Variants in LDLRAP1 observed in about 807,000 individuals in gnomAD.
The protein encoded by LDLRAP1 is low density lipoprotein receptor adaptor protein 1.
A neutral mutation model predicts 37.8 loss-of-function variants in LDLRAP1; 30 were observed. That is an observed-to-expected ratio of 0.79 (90% CI 0.59 to 1.08). The LOEUF (loss-of-function observed/expected upper bound fraction) is 1.08. LDLRAP1 is among the 50% of genes least tolerant of loss of function. The probability of loss-of-function intolerance (pLI) is 0.00; values close to 1 mark genes in which losing one functional copy is unlikely to be tolerated. For synonymous variants in LDLRAP1, 156 were observed against 169.8 expected, an observed-to-expected ratio of 0.92 and a Z score of 0.63; for missense variants, 375 against 401.6, an observed-to-expected ratio of 0.93 and a Z score of 0.57.
At chr1:25,552,442 C>T (rs2044093461) in intron 1 of LDLRAP1, among the ~76,000 whole-genome samples, 1 of 152,216 alleles carries the variant, frequency 6.6e-6, no homozygotes, top group Non-Finnish European at 1.5e-5. Context: ...GGCTACCTCT[C>T]GTGGCCCCTG....
downstream of LDLRAP1, among the ~76,000 whole-genome samples, chr1:25,571,607 A>G (rs1445774242): frequency 6.6e-6 from 1 of 152,252 alleles, no homozygotes; most frequent in Non-Finnish European, 1.5e-5. Context: ...TTACATGATC[A>G]GCCAGCCTCA....
chr1:25,572,010 G>A (rs80043960), downstream of LDLRAP1, among the ~76,000 whole-genome samples: 3,046 of 152,272 alleles, frequency 0.02, 90 homozygotes, highest in African/African-American at 0.067. Context: ...GTAGGCCAGC[G>A]GGACATTGGA....
At chr1:25,587,019 C>T in the LDLRAP1 span, among the ~76,000 whole-genome samples, 5 of 152,188 alleles carry the variant, frequency 3.3e-5, no homozygotes, top group Admixed American at 2.6e-4. Flanking sequence ...ACTGAGCCCT[C>T]GTCTTTTAGA....
intron 1 of LDLRAP1, among the ~76,000 whole-genome samples, chr1:25,548,132 A>T (rs2043981037): frequency 6.6e-6 from 1 of 152,158 alleles, no homozygotes; most frequent in Admixed American, 6.5e-5. Context: ...GAGCTTCTTT[A>T]TCTGTGAAAT....
At chr1:25,545,913 G>T (rs1572018622) in intron 1 of LDLRAP1, among the ~76,000 whole-genome samples, 1 of 152,194 alleles carries the variant, frequency 6.6e-6, no homozygotes, top group African/African-American at 2.4e-5. Context: ...CTCCTGTGAG[G>T]TGACAGAGCA....
chr1:25,579,318 T>C, the LDLRAP1 span, among the ~76,000 whole-genome samples: 1 of 152,168 alleles, frequency 6.6e-6, no homozygotes, highest in Non-Finnish European at 1.5e-5. Flanking sequence ...TGCGCAGCTT[T>C]CTGTTACTTG....
intron 4 of LDLRAP1, among the ~76,000 whole-genome samples, chr1:25,558,096 T>A (rs1209751389): frequency 6.6e-6 from 1 of 152,154 alleles, no homozygotes; most frequent in Non-Finnish European, 1.5e-5. Flanking sequence ...GGATTTGTCC[T>A]GAATTTGGGG....
At chr1:25,578,036 G>A in the LDLRAP1 span, among the ~76,000 whole-genome samples, 1 of 152,170 alleles carries the variant, frequency 6.6e-6, no homozygotes, top group South Asian at 2.1e-4. Flanking sequence ...GGCAGGTGTG[G>A]GTGAGCCCCC....
chr1:25,585,030 G>T, the LDLRAP1 span, among the ~76,000 whole-genome samples: 1 of 152,166 alleles, frequency 6.6e-6, no homozygotes, highest in Admixed American at 6.5e-5. Flanking sequence ...ATGTCCCAAG[G>T]TCCCAAAGCA....
intron 1 of LDLRAP1, among the ~76,000 whole-genome samples, chr1:25,547,583 G>A (rs757184865): frequency 6.6e-6 from 1 of 152,218 alleles, no homozygotes; most frequent in Non-Finnish European, 1.5e-5. Context: ...AACTGTGGGA[G>A]GCAGTGTAGA....
chr1:25,557,403 C>A, intron 4 of LDLRAP1, 136 bp downstream of exon 4: 1 of 708,610 alleles, frequency 1.4e-6, no homozygotes, highest in Non-Finnish European at 2.5e-6. Flanking sequence ...CTCTGGGAAC[C>A]CCAAGTGGGT....
chr1:25,585,369 A>G, the LDLRAP1 span, among the ~76,000 whole-genome samples: 33,040 of 149,520 alleles, frequency 0.22, 3,886 homozygotes, highest in East Asian at 0.37. Context: ...TCTGTCGCCC[A>G]GGCTGGAGTG....
chr1:25,570,049 G>C (rs961848873), downstream of LDLRAP1, among the ~76,000 whole-genome samples: 2 of 152,136 alleles, frequency 1.3e-5, no homozygotes. Flanking sequence ...GGCTTGTGGG[G>C]GTCCACTTGG....
In LDLRAP1 at chr1:25,555,120, C is replaced by T. The variant is rs113189366; in HGVS notation, c.344+148C>T. 44 of 722,832 alleles carry T rather than the reference C, an allele frequency of 6.1e-5. No individual in the cohort carries two copies. In the African/African-American group the frequency reaches 6.8e-4, roughly 11 times the overall value. The allele number at this position is 722,832 out of a possible 1,614,324, so 44.8% of individuals were successfully genotyped here. A position where few individuals can be genotyped will look rare whatever the true frequency, so the allele number is the denominator to read the frequency against. ...CTGTAAAATGGGGGTGGGAACAGAT[C>T]CTGCTGCACAGCGCTGTTAGGAAAC... is the stretch of plus-strand genomic sequence containing the variant. On this transcript the variant is annotated intron_variant, in intron 3 of 8. Coordinates refer to ENST00000374338, the MANE Select transcript of LDLRAP1 (RefSeq NM_015627.3). This position sits in a 1 kb window ranked among gnomAD's most constrained non-coding sequence, Gnocchi z 4.7.
At chr1:25,561,398 ATCAG>A (rs2044339314) in intron 4 of LDLRAP1, among the ~76,000 whole-genome samples, 2 of 152,218 alleles carry the variant, frequency 1.3e-5, no homozygotes, top group African/African-American at 4.8e-5. Flanking sequence ...ATTGGCACGG[ATCAG>A]TCAGTTTGTT....
chr1:25,570,521 G>A (rs565350416), downstream of LDLRAP1, among the ~76,000 whole-genome samples: 79 of 152,170 alleles, frequency 5.2e-4, no homozygotes, highest in Non-Finnish European at 9.1e-4. Context: ...GTCTTCCTCC[G>A]GCCATTCCCA....
At chr1:25,575,586 C>A in the LDLRAP1 span, among the ~76,000 whole-genome samples, 1 of 152,050 alleles carries the variant, frequency 6.6e-6, no homozygotes, top group South Asian at 2.1e-4. Flanking sequence ...CAGAATGAGA[C>A]CCTGTCTTAC....
At chr1:25,552,297 G>A (rs1233312007) in intron 1 of LDLRAP1, among the ~76,000 whole-genome samples, 1 of 152,198 alleles carries the variant, frequency 6.6e-6, no homozygotes, top group Non-Finnish European at 1.5e-5. Flanking sequence ...CAGCTGCCCT[G>A]GAACTAGCAA....
chr1:25,582,618 A>G, the LDLRAP1 span, among the ~76,000 whole-genome samples: 1 of 151,898 alleles, frequency 6.6e-6, no homozygotes, highest in Non-Finnish European at 1.5e-5. Context: ...TTGACTTTTT[A>G]AAGTATACAG....
Sources: gnomAD v4.1 joint callset for allele counts (sites outside exome capture counted in the v4.1 genomes callset) on GRCh38, gnomAD v4.1.1 for gene constraint, Gnocchi (gnomAD v3.1) non-coding constraint, MANE v1.5 for transcripts, NCBI Gene and HGNC (gene_info 2026-07-23, HGNC 2026-07-21) for gene names.